Variants in HEPHL1 observed in about 807,000 individuals in gnomAD.
The protein encoded by HEPHL1 is ferroxidase HEPHL1.
HEPHL1 carries 123 observed loss-of-function variants against 122.0 expected under a neutral mutation model. The observed-to-expected ratio is 1.01, with a 90% CI of 0.87 to 1.17. HEPHL1 has a LOEUF of 1.17. HEPHL1 is among the 50% of genes most tolerant of loss of function. The probability of loss-of-function intolerance (pLI) is 0.00; values close to 1 mark genes in which losing one functional copy is unlikely to be tolerated. For synonymous variants in HEPHL1, 527 were observed against 508.9 expected, an observed-to-expected ratio of 1.04 and a Z score of -0.48; for missense variants, 1,452 against 1,430.5, an observed-to-expected ratio of 1.01 and a Z score of -0.24.
At chr11:94,082,397 T>C (rs1245798614) in intron 9 of HEPHL1, 21 bp from the exon 10 acceptor site, 1 of 1,572,322 alleles carries the variant, frequency 6.4e-7, no homozygotes, top group Admixed American at 1.8e-5. Context: ...TTTTATGTAT[T>C]CATTTCTTTC....
chr11:94,072,037 C>A (rs1320900694), intron 6 of HEPHL1, among the ~76,000 whole-genome samples: 1 of 152,002 alleles, frequency 6.6e-6, no homozygotes, highest in African/African-American at 2.4e-5. Context: ...CAATTGGAAG[C>A]AATTGAAGAT....
intron 18 of HEPHL1, 66 bp from the exon 19 acceptor site, chr11:94,111,471 A>G: frequency 8.2e-7 from 1 of 1,223,770 alleles, no homozygotes; most frequent in Non-Finnish European, 1.2e-6. Flanking sequence ...AAATGAAATG[A>G]CTAGTGTCAT....
At chr11:94,063,788 T>C (rs1946009378) in intron 3 of HEPHL1, 68 bp downstream of exon 3, 1 of 1,338,446 alleles carries the variant, frequency 7.5e-7, no homozygotes, top group Admixed American at 1.7e-5. Flanking sequence ...TTATTTTGCC[T>C]ACCTCCTTTG....
In HEPHL1 at chr11:94,111,928, G is replaced by A. The variant is rs752338513; in HGVS notation, c.*34G>A. 5 of 1,452,334 alleles carry A rather than the reference G, an allele frequency of 3.4e-6. No homozygotes were observed. Among genetic ancestry groups the A allele is most frequent in the Non-Finnish European group, 4.6e-6 (5 of 1,091,802 alleles). The allele number at this position is 1,452,334 out of a possible 1,614,324, so 90.0% of individuals were successfully genotyped here. On this transcript the variant is annotated 3_prime_UTR_variant, in exon 20 of 20. Transcript: ENST00000315765. Reference sequence around the variant, plus strand: ...GTCTCCCTCAACAGGAAAGGGTGATGTCCCACAGCTGGCCAGATGGCAGCC... The same window carrying A: ...GTCTCCCTCAACAGGAAAGGGTGATATCCCACAGCTGGCCAGATGGCAGCC...
Position 94,093,617 on chromosome 11 carries a change from G to A in HEPHL1, c.2411G>A (p.Arg804Gln), listed in dbSNP as rs1565360317. Residue 804 changes from arginine (R) to glutamine (Q), a missense_variant, in exon 13 of 20, where the codon CGA (arginine) becomes CAA (glutamine). By Grantham distance (43) the Arg-to-Gln change is conservative. Transcript: ENST00000315765. ...GTGGAGATCAAAGCCCGACCACCAC[G>A]AGAGGAGCACTTAGAACTCCTGGGT... ...EFVEIKARPP[R>Q]EEHLELLGPM... The A allele has an allele frequency of 7.4e-6, 12 of 1,613,534 alleles. No homozygotes were observed. The highest frequency in any genetic ancestry group is 1.7e-4 in the Middle Eastern group (1 of 6,058).
At chr11:94,060,641 C>T (rs183475839) in intron 2 of HEPHL1, among the ~76,000 whole-genome samples, 48 of 152,278 alleles carry the variant, frequency 3.2e-4, no homozygotes, top group Admixed American at 1.2e-3. Context: ...AGTCTAATTT[C>T]AGTGGCTGTG....
intron 2 of HEPHL1, among the ~76,000 whole-genome samples, chr11:94,060,278 C>T (rs933965914): frequency 5.3e-5 from 8 of 151,300 alleles, no homozygotes; most frequent in African/African-American, 1.9e-4. Context: ...CACACATATG[C>T]ACACATGATA....
intron 11 of HEPHL1, among the ~76,000 whole-genome samples, chr11:94,088,385 T>C (rs1335177155): frequency 6.6e-6 from 1 of 152,236 alleles, no homozygotes; most frequent in East Asian, 1.9e-4. Flanking sequence ...ATAATCATCT[T>C]ACAGGTAATT....
chr11:94,077,217 T>A (rs963543252), intron 9 of HEPHL1, among the ~76,000 whole-genome samples: 2 of 152,182 alleles, frequency 1.3e-5, no homozygotes, highest in Non-Finnish European at 2.9e-5. Flanking sequence ...AAATTAACGT[T>A]GACATTATCA....
At position 94,102,902 on chromosome 11, in the gene HEPHL1, C is replaced by T. The variant is rs1274694229; in HGVS notation, c.2576-12C>T. 7.3e-7 allele frequency: 1 copy of T among 1,368,890 alleles called. No individual in the cohort carries two copies. Among genetic ancestry groups the T allele is most frequent in the South Asian group, 1.2e-5 (1 of 83,114 alleles). 84.8% of individuals were successfully genotyped at this position (1,368,890 alleles called of 1,614,324 possible). On this transcript the variant is annotated splice_polypyrimidine_tract_variant and intron_variant, in intron 14 of 19. Transcript: ENST00000315765. The stretch of plus-strand genomic sequence containing the variant: ...TAATTCTAATAAATTTTTTCCATTT[C>T]ATTTATTACAGGAGAAGTAAAAACT...
Position 94,047,119 on chromosome 11 carries a change from G to T in HEPHL1, c.415+1202G>T, listed in dbSNP as rs191954520. Among the ~76,000 whole-genome samples, 5 of 152,338 alleles carry T rather than the reference G, an allele frequency of 3.3e-5. No individual in the cohort carries two copies. The East Asian group carries it at 9.6e-4, about 29-fold the overall frequency. The stretch of plus-strand genomic sequence containing the variant: ...CCACCTGGAGTGCAGCCAAGATTTG[G>T]TAGTTCTTAGTTGTTGAGGATGAGC... On this transcript the variant is annotated intron_variant, in intron 2 of 19. Transcript: ENST00000315765.
chr11:94,087,402 T>G (rs1946226718), intron 11 of HEPHL1, among the ~76,000 whole-genome samples: 1 of 152,188 alleles, frequency 6.6e-6, no homozygotes, highest in Admixed American at 6.5e-5. Flanking sequence ...GTTTTCCAGT[T>G]TATGTTTGGT....
At chr11:94,024,489 T>C (rs1945607349) in intron 1 of HEPHL1, among the ~76,000 whole-genome samples, 1 of 152,214 alleles carries the variant, frequency 6.6e-6, no homozygotes, top group Non-Finnish European at 1.5e-5. Context: ...TTGCAAATGT[T>C]CAGTCCTAGA....
chr11:94,024,612 A>G (rs1440245164), intron 1 of HEPHL1, among the ~76,000 whole-genome samples: 2 of 152,048 alleles, frequency 1.3e-5, no homozygotes, highest in African/African-American at 2.4e-5. Flanking sequence ...ATTATCTCCA[A>G]TTCCTCACTT....
intron 6 of HEPHL1, among the ~76,000 whole-genome samples, chr11:94,072,769 C>T (rs1337809881): frequency 6.6e-6 from 1 of 152,074 alleles, no homozygotes; most frequent in Non-Finnish European, 1.5e-5. Context: ...AAGGAGTTTA[C>T]TTGTGACTGG....
chr11:94,059,347 T>C (rs1392885888), intron 2 of HEPHL1, among the ~76,000 whole-genome samples: 1 of 152,182 alleles, frequency 6.6e-6, no homozygotes, highest in African/African-American at 2.4e-5. Flanking sequence ...GTTTCAAGTA[T>C]GTTTGTACAA....
rs1484802561 is a variant in HEPHL1 at position 94,113,538 on chromosome 11, A to G, written c.*1644A>G. 6.6e-6 allele frequency: 1 copy of G among 152,236 alleles called. No homozygotes were observed. Among genetic ancestry groups the G allele is most frequent in the Non-Finnish European group, 1.5e-5 (1 of 68,044 alleles). 9.4% of individuals were successfully genotyped at this position (152,236 alleles called of 1,614,324 possible). A position where few individuals can be genotyped will look rare whatever the true frequency, so the allele number is the denominator to read the frequency against. ...GAATTTCAATCTGCTAACCATTGAC[A>G]ATGTGATTTCATAGTACATGTTCTA... On this transcript the variant is annotated 3_prime_UTR_variant, in exon 20 of 20. Coordinates refer to ENST00000315765, the MANE Select transcript of HEPHL1 (RefSeq NM_001098672.2).
At chr11:94,037,859 A>G (rs996023450) in intron 1 of HEPHL1, among the ~76,000 whole-genome samples, 4 of 151,936 alleles carry the variant, frequency 2.6e-5, no homozygotes, top group Non-Finnish European at 5.9e-5. Flanking sequence ...AACGGAACAA[A>G]GCTGGATGGA....
chr11:94,036,232 A>T (rs1291426654), intron 1 of HEPHL1, among the ~76,000 whole-genome samples: 1 of 152,166 alleles, frequency 6.6e-6, no homozygotes, highest in Non-Finnish European at 1.5e-5. Context: ...CTGTCTCTGG[A>T]CAGAATAGGA....
Sources: gnomAD v4.1 joint callset for allele counts (sites outside exome capture counted in the v4.1 genomes callset) on GRCh38, gnomAD v4.1.1 for gene constraint, MANE v1.5 for transcripts, NCBI Gene and HGNC (gene_info 2026-07-23, HGNC 2026-07-21) for gene names.